KCNJ6: variants seen among roughly 807,000 people sequenced by gnomAD.
KCNJ6 encodes G protein-activated inward rectifier potassium channel 2.
KCNJ6 carries 9 observed loss-of-function variants against 34.2 expected under a neutral mutation model. The ratio of observed to expected loss-of-function variants is 0.26; its 90% confidence interval spans 0.16 to 0.46. The LOEUF is 0.46. KCNJ6 is among the 20% of genes least tolerant of loss of function. The probability of loss-of-function intolerance (pLI) is 1.00; values close to 1 mark genes in which losing one functional copy is unlikely to be tolerated. For missense variants in KCNJ6, 236 were observed against 531.3 expected (o/e 0.44, Z 5.46); for synonymous variants, 196 against 207.1 (o/e 0.95, Z 0.46).
chr21:37,778,950 G>A lies in KCNJ6; in HGVS notation c.25+61708C>T, dbSNP rs780454162. 1.4e-4 allele frequency among the ~76,000 whole-genome samples: 21 copies of A among 152,042 alleles called. No individual in the cohort carries two copies. In the South Asian group the frequency reaches 1.9e-3, roughly 14 times the overall value. On this transcript the variant is annotated intron_variant, in intron 2 of 3. Transcript: ENST00000609713. ...TATGATCTGCCATAATCACATGCTC[G>A]GAATGCACGTGAACGGGCATTTGTA... is the stretch of plus-strand genomic sequence containing the variant.
At position 37,616,951 on chromosome 21, in the gene KCNJ6, A is replaced by T. The variant is rs546380549; in HGVS notation, c.*8208T>A. ...TTGAAATTGATGCCTTCATTTGGTG[A>T]CCCTGATAGAGGTGGGGATGTGCGA... On this transcript the variant is annotated 3_prime_UTR_variant, in exon 4 of 4. Transcript: ENST00000609713. 6.6e-6 allele frequency: 1 copy of T among 151,270 alleles called. No homozygotes were observed. Among genetic ancestry groups the T allele is most frequent in the South Asian group, 2.1e-4 (1 of 4,746 alleles). The allele number at this position is 151,270 out of a possible 1,614,324, so 9.4% of individuals were successfully genotyped here.
intron 2 of KCNJ6, among the ~76,000 whole-genome samples, chr21:37,729,613 C>G (rs1226650972): frequency 6.6e-6 from 1 of 152,242 alleles, no homozygotes; most frequent in Non-Finnish European, 1.5e-5. Context: ...CGTGAGCCAC[C>G]ATGCCCAGCC....
intron 3 of KCNJ6, among the ~76,000 whole-genome samples, chr21:37,641,262 G>A (rs899820716): frequency 6.6e-6 from 1 of 152,004 alleles, no homozygotes; most frequent in Non-Finnish European, 1.5e-5. Flanking sequence ...AATAAATAAT[G>A]GCTAAATGAG....
At position 37,612,519 on chromosome 21, in the gene KCNJ6, AAG is replaced by A. The variant is rs1438300331; in HGVS notation, c.*12638_*12639del. 6.6e-6 allele frequency: 1 copy of A among 152,204 alleles called. No individual in the cohort carries two copies. The highest frequency in any genetic ancestry group is 6.5e-5 in the Admixed American group (1 of 15,288). The allele number at this position is 152,204 out of a possible 1,614,324, so 9.4% of individuals were successfully genotyped here. A position where few individuals can be genotyped will look rare whatever the true frequency, so the allele number is the denominator to read the frequency against. On this transcript the variant is annotated 3_prime_UTR_variant, in exon 4 of 4. Transcript: ENST00000609713. ...ACTGAGTCTGCAGTTTATATGGAGAAAGAAAGCTACAGTACTCAAGACGATGT... is the reference window on the plus strand; with the variant it reads ...ACTGAGTCTGCAGTTTATATGGAGAAAAAGCTACAGTACTCAAGACGATGT...
intron 2 of KCNJ6, among the ~76,000 whole-genome samples, chr21:37,770,194 A>C (rs2055111127): frequency 6.6e-6 from 1 of 152,120 alleles, no homozygotes; most frequent in Non-Finnish European, 1.5e-5. Flanking sequence ...GTTTTGGCTC[A>C]GGAATCTGTA....
chr21:37,702,234 CAAA>C (rs374421896), intron 3 of KCNJ6, among the ~76,000 whole-genome samples: 1 of 97,802 alleles, frequency 1.0e-5, no homozygotes, highest in Non-Finnish European at 1.9e-5. Context: ...TTTTGTCTCA[CAAA>C]AAAAAAAAAA....
At chr21:37,903,741 A>AC (rs2055827890) in intron 1 of KCNJ6, among the ~76,000 whole-genome samples, 1 of 145,402 alleles carries the variant, frequency 6.9e-6, no homozygotes, top group South Asian at 2.3e-4. Context: ...AACAAAACAA[A>AC]ACAAAAAAAA....
At chr21:37,679,188 C>T (rs2123416474) in intron 3 of KCNJ6, among the ~76,000 whole-genome samples, 1 of 152,332 alleles carries the variant, frequency 6.6e-6, no homozygotes, top group East Asian at 1.9e-4. Flanking sequence ...GTCAAGCCTT[C>T]AGATGACTGC....
At chr21:37,719,152 A>AAAAG (rs1196378708) in intron 2 of KCNJ6, among the ~76,000 whole-genome samples, 1 of 152,108 alleles carries the variant, frequency 6.6e-6, no homozygotes, top group East Asian at 1.9e-4. Flanking sequence ...GGGTGAGAGC[A>AAAAG]AAAGAGGGGC....
chr21:37,664,658 T>A (rs1422163198), intron 3 of KCNJ6, among the ~76,000 whole-genome samples: 1 of 152,054 alleles, frequency 6.6e-6, no homozygotes, highest in Non-Finnish European at 1.5e-5. Flanking sequence ...CTATAACTAT[T>A]AAAGAAATGA....
At chr21:37,893,463 C>T (rs1011578690) in intron 1 of KCNJ6, among the ~76,000 whole-genome samples, 5 of 152,286 alleles carry the variant, frequency 3.3e-5, no homozygotes, top group Admixed American at 1.3e-4. Context: ...GCCTTGGCCT[C>T]CCAAAGTGCT....
intron 3 of KCNJ6, among the ~76,000 whole-genome samples, chr21:37,710,579 C>T (rs1006528013): frequency 4.6e-5 from 7 of 152,176 alleles, no homozygotes; most frequent in East Asian, 1.9e-4. Flanking sequence ...TGCTGCCTGT[C>T]GCAGTTGTAT....
Position 37,615,270 on chromosome 21 carries a change from T to TTTTTTTTTTTG in KCNJ6, c.*9888_*9889insCAAAAAAAAAA, listed in dbSNP as rs2054262642. 4 of 98,768 alleles carry TTTTTTTTTTTG rather than the reference T, an allele frequency of 4.0e-5. No individual in the cohort carries two copies. Among genetic ancestry groups the TTTTTTTTTTTG allele is most frequent in the Non-Finnish European group, 6.1e-5 (3 of 49,500 alleles). The allele number at this position is 98,768 out of a possible 1,614,324, so 6.1% of individuals were successfully genotyped here. ...TTTTTTTTTTTTTTTTTTTTTTTTT[T>TTTTTTTTTTTG]GAGACGGAGTCTCGCTCTGTCGCCC... On this transcript the variant is annotated 3_prime_UTR_variant, in exon 4 of 4. Coordinates refer to ENST00000609713, the MANE Select transcript of KCNJ6 (RefSeq NM_002240.5).
chr21:37,815,917 T>C (rs1216251916), intron 2 of KCNJ6, among the ~76,000 whole-genome samples: 4 of 152,182 alleles, frequency 2.6e-5, no homozygotes, highest in Admixed American at 2.0e-4. Context: ...GTGACGCGAC[T>C]GCAACAAGCG....
chr21:37,881,260 T>C (rs1407475467), intron 1 of KCNJ6, among the ~76,000 whole-genome samples: 1 of 152,218 alleles, frequency 6.6e-6, no homozygotes, highest in Non-Finnish European at 1.5e-5. Context: ...TAAATATATT[T>C]AGTCTGTGTC....
chr21:37,858,706 T>C (rs1204157842), intron 1 of KCNJ6, among the ~76,000 whole-genome samples: 2 of 152,154 alleles, frequency 1.3e-5, no homozygotes, highest in East Asian at 3.8e-4. Flanking sequence ...CACACTGGTG[T>C]TCAAGCAAAG....
chr21:37,831,732 TCACCCTGCAGGAGGGGC>T (rs2055427032), intron 2 of KCNJ6, among the ~76,000 whole-genome samples: 2 of 152,050 alleles, frequency 1.3e-5, no homozygotes, highest in Non-Finnish European at 2.9e-5. Flanking sequence ...CTAGCTCAGC[TCACCCTGCAGGAGGGGC>T]ACACGGTCCT....
intron 3 of KCNJ6, among the ~76,000 whole-genome samples, chr21:37,667,054 T>G (rs889900814): frequency 6.7e-6 from 1 of 149,410 alleles, no homozygotes; most frequent in African/African-American, 2.5e-5. Flanking sequence ...ACCGGAGACC[T>G]TTGTTCACCT....
intron 3 of KCNJ6, among the ~76,000 whole-genome samples, chr21:37,655,209 GTGTGTGTGTGTGTGT>G (rs2054453333): frequency 1.3e-5 from 1 of 78,360 alleles, no homozygotes; most frequent in African/African-American, 4.8e-5. Context: ...GTGTGTGTGT[GTGTGTGTGTGTGTGT>G]GAGAGAGAGA....
Sources: allele counts gnomAD v4.1 joint callset (sites outside exome capture counted in the v4.1 genomes callset), GRCh38; gene constraint gnomAD v4.1.1; transcripts MANE v1.5; gene names NCBI Gene and HGNC (gene_info 2026-07-23, HGNC 2026-07-21).